The following PTPN21 variants were observed in gnomAD, a reference collection of about 807,000 sequenced individuals.
PTPN21 encodes tyrosine-protein phosphatase non-receptor type 21.
PTPN21 carries 77 observed loss-of-function variants against 131.8 expected under a neutral mutation model. That is an observed-to-expected ratio of 0.58 (90% CI 0.49 to 0.71). The LOEUF is 0.71. Ranked by LOEUF, PTPN21 falls within the 30% of genes least tolerant of loss-of-function variation. The pLI, the probability that PTPN21 is intolerant of heterozygous loss-of-function variation, is 0.00. For missense variants in PTPN21, 1,552 were observed against 1,527.1 expected (o/e 1.02, Z -0.27); for synonymous variants, 715 against 621.3 (o/e 1.15, Z -2.24).
intron 2 of PTPN21, among the ~76,000 whole-genome samples, chr14:88,519,521 G>C (rs1342356501): frequency 6.6e-6 from 1 of 152,170 alleles, no homozygotes; most frequent in Non-Finnish European, 1.5e-5. Flanking sequence ...CAAGAAAACT[G>C]AGAAATAATA....
intron 2 of PTPN21, among the ~76,000 whole-genome samples, chr14:88,546,941 C>T (rs2078791228): frequency 6.6e-6 from 1 of 152,194 alleles, no homozygotes; most frequent in African/African-American, 2.4e-5. Flanking sequence ...CTACCCATGA[C>T]TGTTACATTT....
At chr14:88,484,365 G>A (rs2077702092) in intron 12 of PTPN21, among the ~76,000 whole-genome samples, 2 of 152,166 alleles carry the variant, frequency 1.3e-5, no homozygotes, top group African/African-American at 4.8e-5. Context: ...AATGTTAATT[G>A]ACTGCTTAAA....
Position 88,469,642 on chromosome 14 carries a change from C to T in PTPN21, c.3092G>A (p.Arg1031Gln), listed in dbSNP as rs376371612. Residue 1031 changes from arginine to glutamine, a missense_variant, in exon 17 of 19, where the codon CGG becomes CAG. Physicochemically the swap from Arg to Gln is conservative, Grantham distance 43 (BLOSUM62 1). Transcript: ENST00000556564. This position sits in a 1 kb window ranked among gnomAD's most constrained non-coding sequence, Gnocchi z 4.3. ...ATAGCAGCCAGAGTCTGTGCGGAAC[C>T]GGGTCGTGATCTTAAACCTTCCATA... is the stretch of plus-strand genomic sequence containing the variant. ...VTYGRFKITT[R>Q]FRTDSGCYAT... is the part of the protein sequence containing the mutation. The T allele has an allele frequency of 2.9e-5, 46 of 1,613,994 alleles. No individual in the cohort carries two copies. The Middle Eastern group carries it at 4.9e-4, about 17-fold the overall frequency.
At chr14:88,513,848 G>A (rs1566836201) in intron 3 of PTPN21, 1 of 152,140 alleles carries the variant, frequency 6.6e-6, no homozygotes, top group African/African-American at 2.4e-5. Context: ...TTTTTTGTCT[G>A]TTGGCATGAA....
intron 12 of PTPN21, among the ~76,000 whole-genome samples, chr14:88,480,807 T>C (rs1045435449): frequency 3.3e-5 from 5 of 152,148 alleles, no homozygotes; most frequent in Non-Finnish European, 7.4e-5. Flanking sequence ...CCCAAATGAA[T>C]ATGAGAGCTT....
chr14:88,526,546 T>TAAAAA (rs1332872741), intron 2 of PTPN21, among the ~76,000 whole-genome samples: 1 of 28,326 alleles, frequency 3.5e-5, no homozygotes, highest in African/African-American at 2.5e-4. Context: ...CGAGATGATC[T>TAAAAA]CAAAAAAAAA....
chr14:88,476,722 C>T (rs1395262669), intron 13 of PTPN21, among the ~76,000 whole-genome samples: 4 of 152,288 alleles, frequency 2.6e-5, no homozygotes, highest in East Asian at 3.9e-4. Context: ...TCAGCCCCAA[C>T]GTTCTTAACT....
intron 4 of PTPN21, among the ~76,000 whole-genome samples, chr14:88,506,095 T>C (rs1265724708): frequency 6.6e-6 from 1 of 152,086 alleles, no homozygotes; most frequent in East Asian, 1.9e-4. Flanking sequence ...ATCCCAGCAC[T>C]TCAGTAAGCC....
chr14:88,478,425 T>C (rs1376856296), intron 13 of PTPN21, among the ~76,000 whole-genome samples: 4 of 152,174 alleles, frequency 2.6e-5, no homozygotes, highest in African/African-American at 4.8e-5. Context: ...GGCCAAGATA[T>C]GTAAGCTGTA....
In PTPN21 at chr14:88,473,772, T is replaced by C; in HGVS notation, c.2542A>G (p.Lys848Glu). The change falls in exon 14 of 19, where the codon AAA becomes GAA. Residue 848 changes from lysine (K) to glutamate (E), a missense_variant. Physicochemically the swap from Lys to Glu is moderately conservative, Grantham distance 56. Transcript: ENST00000556564. ...GCAGCCAGTTTAAGAGGACCAATTT[T>C]TTTTGCATCTACTCGAGTCTTTTTC... The part of the protein sequence containing the change: ...GMKKTRVDAK[K>E]IGPLKLAALN... 4.3e-6 allele frequency: 7 copies of C among 1,610,022 alleles called. No individual in the cohort carries two copies. The highest frequency in any genetic ancestry group is 2.2e-5 in the East Asian group (1 of 44,806).
chr14:88,504,042 G>T, intron 6 of PTPN21: 1 of 193,142 alleles, frequency 5.2e-6, no homozygotes, highest in East Asian at 1.5e-4. Flanking sequence ...TACTTGCTAA[G>T]CTGTATCATA....
chr14:88,531,879 G>C (rs1032966789), intron 2 of PTPN21, among the ~76,000 whole-genome samples: 1 of 151,988 alleles, frequency 6.6e-6, no homozygotes, highest in South Asian at 2.1e-4. Context: ...ACCAAGAAAA[G>C]AGAATATCTA....
At chr14:88,510,035 CAAAACAA>C (rs755121922) in intron 3 of PTPN21, among the ~76,000 whole-genome samples, 7 of 152,160 alleles carry the variant, frequency 4.6e-5, no homozygotes, top group African/African-American at 1.7e-4. Context: ...GAGTCTGTCT[CAAAACAA>C]AAAACAAAAA....
intron 13 of PTPN21, among the ~76,000 whole-genome samples, chr14:88,477,446 T>TAAAAAAAAAAA (rs59381948): frequency 1.3e-5 from 1 of 76,376 alleles, no homozygotes; most frequent in Non-Finnish European, 2.4e-5. Flanking sequence ...AAGACTGTTC[T>TAAAAAAAAAAA]AAAAAAAAAA....
rs762638048 is a variant in PTPN21, at chr14:88,472,436, T to C, written c.2679A>G (p.Gln893=). The C allele has an allele frequency of 6.2e-7, 1 of 1,613,672 alleles. No homozygotes were observed. Among genetic ancestry groups the C allele is most frequent in the African/African-American group, 1.3e-5 (1 of 75,052 alleles). ...TTTCATATTCTGTGAATACCATTCC[T>C]TGTTCTAATCGTTGTTCCAGAATTT... ...RCKILEQRLE[Q]GMVFTEYERI... Residue 893 remains glutamine, a synonymous_variant, in exon 15 of 19, where the codon CAA becomes CAG. Transcript: ENST00000556564.
chr14:88,516,263 C>A (rs2139308897), intron 3 of PTPN21, among the ~76,000 whole-genome samples: 1 of 152,172 alleles, frequency 6.6e-6, no homozygotes, highest in South Asian at 2.1e-4. Flanking sequence ...GAGGTACCTT[C>A]TGAACCACAA....
Position 88,479,298 on chromosome 14 carries a change from G to A in PTPN21, c.2133C>T (p.Ser711=), listed in dbSNP as rs140477134. The A allele has an allele frequency of 4.5e-4, 730 of 1,613,346 alleles. 5 individuals carry two copies. Among genetic ancestry groups the A allele is most frequent in the South Asian group, 3.7e-4 (34 of 91,082 alleles). ...LSDATMLIHS[S]EEEEDEDFEE... ...CGAAGTCCTCGTCCTCCTCCTCCTC[G>A]CTGCTGTGGATTAGCATGGTGGCGT... Residue 711 remains serine, a synonymous_variant, in exon 13 of 19, where the codon AGC becomes AGT. Transcript: ENST00000556564.
intron 10 of PTPN21, among the ~76,000 whole-genome samples, chr14:88,487,073 T>C (rs966803209): frequency 6.6e-6 from 1 of 151,508 alleles, no homozygotes; most frequent in African/African-American, 2.4e-5. Flanking sequence ...ACACAGCAAG[T>C]TCTATCTTTA....
chr14:88,507,889 T>C, intron 4 of PTPN21, 34 bp downstream of exon 4: 2 of 1,347,384 alleles, frequency 1.5e-6, no homozygotes, highest in Admixed American at 1.9e-5. Flanking sequence ...TTTAATCTGA[T>C]AGAACCATTT....
Sources: gnomAD v4.1 joint callset for allele counts (sites outside exome capture counted in the v4.1 genomes callset) on GRCh38, gnomAD v4.1.1 for gene constraint, Gnocchi (gnomAD v3.1) non-coding constraint, MANE v1.5 for transcripts, NCBI Gene and HGNC (gene_info 2026-07-23, HGNC 2026-07-21) for gene names.